Variants in OXR1 observed in about 807,000 individuals in gnomAD.
OXR1 encodes the protein oxidation resistance 1.
In OXR1, 41 loss-of-function variants were observed where a neutral mutation model predicts 104.6. The observed-to-expected ratio is 0.39, with a 90% CI of 0.31 to 0.51. OXR1 has a LOEUF of 0.51. OXR1 is among the 20% of genes least tolerant of loss of function. The pLI, the probability that OXR1 is intolerant of heterozygous loss-of-function variation, is 0.77. For missense variants in OXR1, 955 were observed against 1,031.9 expected, an observed-to-expected ratio of 0.93 and a Z score of 1.02; for synonymous variants, 348 against 348.4, an observed-to-expected ratio of 1.00 and a Z score of 0.01.
intron 3 of OXR1, among the ~76,000 whole-genome samples, chr8:106,590,778 G>C (rs1006564516): frequency 4.6e-5 from 7 of 152,120 alleles, no homozygotes; most frequent in African/African-American, 1.7e-4. Flanking sequence ...AAGTGGCAAG[G>C]CATGGCCTAT....
intron 2 of OXR1, among the ~76,000 whole-genome samples, chr8:106,452,545 T>C (rs1192149911): frequency 5.9e-5 from 9 of 152,208 alleles, no homozygotes; most frequent in Non-Finnish European, 1.2e-4. Flanking sequence ...CTTTTCTTTC[T>C]GTTACGTCAA....
chr8:106,521,360 T>C (rs1279267711), intron 3 of OXR1, among the ~76,000 whole-genome samples: 1 of 152,182 alleles, frequency 6.6e-6, no homozygotes, highest in African/African-American at 2.4e-5. Context: ...ACCCTATTTT[T>C]ATAGATGAGG....
At chr8:106,398,048 CTG>C (rs147790917) in intron 2 of OXR1, among the ~76,000 whole-genome samples, 1 of 152,004 alleles carries the variant, frequency 6.6e-6, no homozygotes, top group Non-Finnish European at 1.5e-5. Context: ...ATGGCCTTCT[CTG>C]TGTGTGTGTG....
At chr8:106,615,394 T>G (rs1254248451) in intron 3 of OXR1, among the ~76,000 whole-genome samples, 1 of 151,322 alleles carries the variant, frequency 6.6e-6, no homozygotes, top group East Asian at 1.9e-4. Context: ...ATTGCGCCAC[T>G]GCACTCCAGC....
At chr8:106,490,012 A>G (rs1024164376) in intron 2 of OXR1, among the ~76,000 whole-genome samples, 4 of 152,148 alleles carry the variant, frequency 2.6e-5, no homozygotes, top group Non-Finnish European at 4.4e-5. Context: ...GGAATGTGGG[A>G]TCACCCAACC....
intron 2 of OXR1, among the ~76,000 whole-genome samples, chr8:106,411,959 G>C (rs13271329): frequency 0.38 from 57,399 of 152,014 alleles, 12,178 homozygotes; most frequent in East Asian, 0.7. Flanking sequence ...CATAAGCACT[G>C]TGATGTTTTA....
intron 15 of OXR1, among the ~76,000 whole-genome samples, chr8:106,744,920 C>T (rs1835255220): frequency 6.6e-6 from 1 of 152,126 alleles, no homozygotes; most frequent in African/African-American, 2.4e-5. Context: ...ATAACCAATG[C>T]TTTTCATTCC....
At chr8:106,462,084 T>C (rs1028492409) in intron 2 of OXR1, among the ~76,000 whole-genome samples, 3 of 152,136 alleles carry the variant, frequency 2.0e-5, no homozygotes, top group Non-Finnish European at 4.4e-5. Context: ...TACAGACTGG[T>C]TTTTGTTGGT....
chr8:106,668,055 A>T (rs562179519), intron 3 of OXR1, among the ~76,000 whole-genome samples: 42 of 151,608 alleles, frequency 2.8e-4, no homozygotes, highest in Non-Finnish European at 4.3e-4. Context: ...ATGCTTTGGT[A>T]TGACATTAGC....
intron 2 of OXR1, among the ~76,000 whole-genome samples, chr8:106,402,825 T>C (rs1818053536): frequency 6.6e-6 from 1 of 151,994 alleles, no homozygotes; most frequent in Non-Finnish European, 1.5e-5. Flanking sequence ...CTTTCTTTTC[T>C]TTTTTTTCTT....
chr8:106,300,085 A>G (rs1183615032), intron 1 of OXR1, among the ~76,000 whole-genome samples: 1 of 152,204 alleles, frequency 6.6e-6, no homozygotes, highest in East Asian at 1.9e-4. Flanking sequence ...TAGTTATGGT[A>G]TAGAATTTGG....
At chr8:106,473,045 A>G (rs1473121941) in intron 2 of OXR1, among the ~76,000 whole-genome samples, 1 of 151,994 alleles carries the variant, frequency 6.6e-6, no homozygotes, top group East Asian at 1.9e-4. Flanking sequence ...ACTGCCTTTC[A>G]GTTGAGTTTA....
At chr8:106,719,291 A>G (rs564662736) in intron 11 of OXR1, among the ~76,000 whole-genome samples, 35 of 152,344 alleles carry the variant, frequency 2.3e-4, no homozygotes, top group African/African-American at 8.2e-4. Context: ...ATGAGGCAGA[A>G]TGCCTATTGA....
intron 7 of OXR1, chr8:106,698,025 G>A: frequency 1.3e-6 from 2 of 1,597,318 alleles, no homozygotes; most frequent in African/African-American, 2.7e-5. Flanking sequence ...CCAATGGGTG[G>A]CGGTGGCTGC....
intron 1 of OXR1, among the ~76,000 whole-genome samples, chr8:106,293,965 A>ATTCTT (rs1812865806): frequency 8.0e-6 from 1 of 124,348 alleles, no homozygotes; most frequent in African/African-American, 3.3e-5. Flanking sequence ...TGACAGTTTA[A>ATTCTT]TTTTTTTTTT....
chr8:106,547,169 G>C (rs562224395), intron 3 of OXR1, among the ~76,000 whole-genome samples: 1 of 152,234 alleles, frequency 6.6e-6, no homozygotes, highest in East Asian at 1.9e-4. Flanking sequence ...GATTACAGGC[G>C]TGAGCCACCA....
chr8:106,673,010 A>C (rs748908444), intron 3 of OXR1, among the ~76,000 whole-genome samples: 1 of 152,156 alleles, frequency 6.6e-6, no homozygotes, highest in African/African-American at 2.4e-5. Flanking sequence ...TAATACAGTA[A>C]ATTGGAACTA....
At chr8:106,374,907 C>T (rs1816849338) in intron 2 of OXR1, among the ~76,000 whole-genome samples, 1 of 152,162 alleles carries the variant, frequency 6.6e-6, no homozygotes, top group African/African-American at 2.4e-5. Context: ...CAGCGTTGTG[C>T]ACACTAGCCT....
At chr8:106,278,316 C>T (rs1467158886) in intron 1 of OXR1, among the ~76,000 whole-genome samples, 1 of 152,132 alleles carries the variant, frequency 6.6e-6, no homozygotes, top group Non-Finnish European at 1.5e-5. Context: ...AAGTCAGGAG[C>T]TGTCATCATG....
Sources: gnomAD v4.1 joint callset for allele counts (sites outside exome capture counted in the v4.1 genomes callset) on GRCh38, gnomAD v4.1.1 for gene constraint, MANE v1.5 for transcripts, NCBI Gene and HGNC (gene_info 2026-07-23, HGNC 2026-07-21) for gene names.